MCTP1: variants seen among roughly 807,000 people sequenced by gnomAD.
MCTP1 encodes the protein multiple C2 and transmembrane domain containing 1.
In MCTP1, 69 loss-of-function variants were observed where a neutral mutation model predicts 120.6. The observed-to-expected ratio is 0.57, with a 90% CI of 0.47 to 0.70. The LOEUF (loss-of-function observed/expected upper bound fraction) is 0.70, where lower values mean the gene tolerates loss of function less well. Ranked by LOEUF, MCTP1 falls within the 30% of genes least tolerant of loss-of-function variation. The pLI is 0.00. For missense variants in MCTP1, 1,203 were observed against 1,248.8 expected, an observed-to-expected ratio of 0.96 and a Z score of 0.55; for synonymous variants, 529 against 493.1, an observed-to-expected ratio of 1.07 and a Z score of -0.96.
At chr5:94,864,116 A>G (rs991785564) in intron 17 of MCTP1, among the ~76,000 whole-genome samples, 2 of 151,890 alleles carry the variant, frequency 1.3e-5, no homozygotes, top group African/African-American at 4.8e-5. Context: ...AAAGGAACAC[A>G]TGAATACCAA....
At chr5:94,998,514 A>G (rs1833049931) in intron 2 of MCTP1, among the ~76,000 whole-genome samples, 1 of 152,194 alleles carries the variant, frequency 6.6e-6, no homozygotes, top group African/African-American at 2.4e-5. Context: ...ATCCCTTTTT[A>G]TATGCTCTTC....
chr5:95,085,541 T>C (rs772880531), intron 1 of MCTP1, among the ~76,000 whole-genome samples: 117 of 152,028 alleles, frequency 7.7e-4, no homozygotes, highest in Admixed American at 1.7e-3. Context: ...TGGTTCTAAT[T>C]TATTGCTATT....
chr5:95,222,543 A>G (rs1157335412), intron 1 of MCTP1, among the ~76,000 whole-genome samples: 1 of 152,264 alleles, frequency 6.6e-6, no homozygotes, highest in East Asian at 1.9e-4. Context: ...TGATATCTGA[A>G]CAAAATTTCC....
chr5:94,817,855 T>C (rs1489308591), intron 17 of MCTP1, among the ~76,000 whole-genome samples: 1 of 152,186 alleles, frequency 6.6e-6, no homozygotes, highest in East Asian at 1.9e-4. Flanking sequence ...GTTCTTCTGT[T>C]CAGCACTCTG....
At chr5:94,775,936 T>C (rs935097599) in intron 19 of MCTP1, among the ~76,000 whole-genome samples, 2 of 146,786 alleles carry the variant, frequency 1.4e-5, no homozygotes, top group East Asian at 2.0e-4. Context: ...TATAAATATA[T>C]TAATATATAT....
At chr5:94,788,490 G>T (rs1778220479) in intron 18 of MCTP1, among the ~76,000 whole-genome samples, 1 of 152,086 alleles carries the variant, frequency 6.6e-6, no homozygotes, top group Non-Finnish European at 1.5e-5. Flanking sequence ...GTTAATTGGG[G>T]TCTTATAATT....
At chr5:95,183,452 T>C (rs1748843992) in intron 1 of MCTP1, among the ~76,000 whole-genome samples, 1 of 151,536 alleles carries the variant, frequency 6.6e-6, no homozygotes, top group Non-Finnish European at 1.5e-5. Context: ...AGCACAAACA[T>C]AGAAGGAAAA....
intron 17 of MCTP1, among the ~76,000 whole-genome samples, chr5:94,804,548 C>G (rs1642288072): frequency 6.6e-6 from 1 of 152,126 alleles, no homozygotes; most frequent in South Asian, 2.1e-4. Context: ...ATGCCATTCT[C>G]TTGCCTCAGC....
chr5:94,950,068 G>A (rs1192270901), intron 3 of MCTP1, among the ~76,000 whole-genome samples: 2 of 151,516 alleles, frequency 1.3e-5, no homozygotes, highest in East Asian at 3.9e-4. Flanking sequence ...AAAGCCCTAG[G>A]CATTTTACAG....
intron 1 of MCTP1, among the ~76,000 whole-genome samples, chr5:95,082,882 C>G (rs1453357896): frequency 6.6e-6 from 1 of 152,168 alleles, no homozygotes; most frequent in African/African-American, 2.4e-5. Flanking sequence ...CAAATATTCT[C>G]TTTTCAGAAC....
At chr5:94,743,328 A>AAG (rs70978125) in intron 19 of MCTP1, among the ~76,000 whole-genome samples, 2 of 149,270 alleles carry the variant, frequency 1.3e-5, no homozygotes, top group Non-Finnish European at 3.0e-5. Context: ...AAAAAAAAAA[A>AAG]GAGAGTCTAT....
At chr5:95,212,075 G>T (rs530818404) in intron 1 of MCTP1, among the ~76,000 whole-genome samples, 1 of 152,224 alleles carries the variant, frequency 6.6e-6, no homozygotes, top group African/African-American at 2.4e-5. Flanking sequence ...AATGAATCCA[G>T]GAGTTGGTTT....
chr5:95,044,651 G>A (rs1214904549), intron 1 of MCTP1, among the ~76,000 whole-genome samples: 1 of 151,826 alleles, frequency 6.6e-6, no homozygotes, highest in African/African-American at 2.4e-5. Context: ...ACCTCCCTCT[G>A]TCCTTTAACC....
intron 12 of MCTP1, among the ~76,000 whole-genome samples, chr5:94,879,007 A>G (rs1799496883): frequency 6.6e-6 from 1 of 152,086 alleles, no homozygotes; most frequent in African/African-American, 2.4e-5. Flanking sequence ...GGAGAAAAGT[A>G]GAGAAACACT....
chr5:94,924,118 C>T (rs60944872), intron 6 of MCTP1, 97 bp from the exon 7 acceptor site: 11,259 of 678,292 alleles, frequency 0.017, 324 homozygotes, highest in African/African-American at 0.099. Context: ...AATAAAAAAT[C>T]GAAAATTATA....
intron 6 of MCTP1, among the ~76,000 whole-genome samples, chr5:94,927,041 C>T (rs1038712996): frequency 2.6e-5 from 4 of 152,150 alleles, no homozygotes; most frequent in African/African-American, 9.7e-5. Flanking sequence ...CACAGCAAAT[C>T]CCTGTAGCTA....
At chr5:94,867,212 G>A in intron 17 of MCTP1, 2 of 1,404,422 alleles carry the variant, frequency 1.4e-6, no homozygotes, top group South Asian at 1.6e-5. Context: ...GACAGAGAGA[G>A]AGAGATTTTT....
At chr5:95,184,010 G>A (rs1386508823) in intron 1 of MCTP1, among the ~76,000 whole-genome samples, 1 of 152,088 alleles carries the variant, frequency 6.6e-6, no homozygotes, top group Non-Finnish European at 1.5e-5. Context: ...CCTGTTGGGG[G>A]GTGAGGGGCT....
chr5:95,061,082 A>T (rs1748927820), intron 1 of MCTP1, among the ~76,000 whole-genome samples: 1 of 147,132 alleles, frequency 6.8e-6, no homozygotes, highest in African/African-American at 2.5e-5. Flanking sequence ...CCTTCTCAGC[A>T]TCTGGCAATG....
Sources: gnomAD v4.1 joint callset for allele counts (sites outside exome capture counted in the v4.1 genomes callset) on GRCh38, gnomAD v4.1.1 for gene constraint, MANE v1.5 for transcripts, NCBI Gene and HGNC (gene_info 2026-07-23, HGNC 2026-07-21) for gene names.